Variants in EHMT2 observed in about 807,000 individuals in gnomAD.
EHMT2 encodes the protein euchromatic histone lysine methyltransferase 2.
EHMT2 carries 59 observed loss-of-function variants against 143.3 expected under a neutral mutation model. The ratio of observed to expected loss-of-function variants is 0.41; its 90% CI spans 0.33 to 0.51. The LOEUF (loss-of-function observed/expected upper bound fraction) is 0.51, where lower values mean the gene tolerates loss of function less well. Among genes scored for constraint, EHMT2 ranks in the 20% least tolerant of loss-of-function variants. The pLI is 0.18. For synonymous variants in EHMT2, 604 were observed against 651.5 expected (o/e 0.93, Z 1.11); for missense variants, 1,174 against 1,645.9 (o/e 0.71, Z 4.96).
intron 25 of EHMT2, among the ~76,000 whole-genome samples, chr6:31,882,117 T>TA (rs9279449): frequency 0.023 from 2,267 of 97,148 alleles, 36 homozygotes; most frequent in South Asian, 0.056. Flanking sequence ...AAAAATAAAT[T>TA]AAAAAAAAAA....
exon 5 of EHMT2, chr6:31,892,910 G>C: frequency 6.4e-7 from 1 of 1,565,720 alleles, no homozygotes; most frequent in African/African-American, 1.4e-5. Flanking sequence ...GGGACCGGGG[G>C]CTGTGGGCCG....
intron 7 of EHMT2, among the ~76,000 whole-genome samples, chr6:31,891,996 C>T (rs1470496520): frequency 6.6e-6 from 1 of 152,132 alleles, no homozygotes; most frequent in Admixed American, 6.5e-5. Flanking sequence ...AATCCCAGCA[C>T]TTTGGGAGGC....
chr6:31,889,769 G>C lies in EHMT2; in HGVS notation c.865-167C>G, dbSNP rs1380388425. 1.3e-5 allele frequency among the ~76,000 whole-genome samples: 2 copies of C among 152,122 alleles called. No individual in the cohort carries two copies. The highest frequency in any genetic ancestry group is 2.9e-5 in the Non-Finnish European group (2 of 68,030). On this transcript the variant is annotated intron_variant, in intron 7 of 27. Coordinates refer to ENST00000375537, the Ensembl canonical transcript of EHMT2. The surrounding 1 kb of genome is among the most constrained non-coding windows in gnomAD (Gnocchi z 5.1). ...GGGCCACATAAAGAGAGGGTGCATG[G>C]AATATTACACAGCAGTGAAAAAGTT... is the stretch of plus-strand genomic sequence containing the variant.
At chr6:31,893,382 A>G (rs1210365125) in intron 4 of EHMT2, 1 of 449,042 alleles carries the variant, frequency 2.2e-6, no homozygotes, top group African/African-American at 2.0e-5. Context: ...GTGCAGTGGC[A>G]TGACTATGGC....
At chr6:31,892,521 G>A in exon 7 of EHMT2, 1 of 1,612,920 alleles carries the variant, frequency 6.2e-7, no homozygotes, top group Non-Finnish European at 8.5e-7. Context: ...CTTTCGTCAG[G>A]GTCACTTCTC....
chr6:31,890,418 A>G (rs1197851215), intron 7 of EHMT2, among the ~76,000 whole-genome samples: 1 of 151,868 alleles, frequency 6.6e-6, no homozygotes, highest in East Asian at 2.0e-4. Context: ...CACCACACCC[A>G]GCTAATTTTC....
intron 7 of EHMT2, 152 bp downstream of exon 7, chr6:31,892,255 A>C (rs1487325978): frequency 2.3e-6 from 2 of 854,198 alleles, no homozygotes; most frequent in East Asian, 5.4e-5. Flanking sequence ...CCACAAAAAA[A>C]AGGAGTTATA....
chr6:31,887,428 T>G, intron 15 of EHMT2, 149 bp downstream of exon 15: 1 of 707,220 alleles, frequency 1.4e-6, no homozygotes, highest in Non-Finnish European at 2.4e-6. Flanking sequence ...TCCCCATCGT[T>G]ATGGGTTACA....
Position 31,880,509 on chromosome 6 carries a change from G to C in EHMT2, c.3452+164C>G. ...ATTCAAAATCTCTCTGGGAGGCACA[G>C]GACTGTTTCCCCAAGTCCTCCAGGA... On this transcript the variant is annotated intron_variant, in intron 27 of 27. Transcript: ENST00000375537. This position sits in a 1 kb window ranked among gnomAD's most constrained non-coding sequence, Gnocchi z 6.6. 3 of 884,960 alleles carry C rather than the reference G, an allele frequency of 3.4e-6. No homozygotes were observed. The highest frequency in any genetic ancestry group is 5.1e-6 in the Non-Finnish European group (3 of 592,994). The allele number at this position is 884,960 out of a possible 1,614,324, so 54.8% of individuals were successfully genotyped here.
At chr6:31,897,683 C>T in exon 1 of EHMT2, 1 of 1,125,694 alleles carries the variant, frequency 8.9e-7, no homozygotes, top group South Asian at 4.4e-5. Context: ...GCCATCGCCG[C>T]TTGCGCTGGG....
chr6:31,884,741 A>T lies in EHMT2; in HGVS notation c.2507T>A (p.Val836Asp). The change falls in exon 20 of 28, where the codon GTC becomes GAC. Residue 836 changes from valine to aspartate, a missense_variant. Physicochemically the swap from Val to Asp is radical, Grantham distance 152. Coordinates refer to ENST00000375537, the Ensembl canonical transcript of EHMT2. The surrounding 1 kb of genome is among the most constrained non-coding windows in gnomAD (Gnocchi z 7.3). The stretch of plus-strand genomic sequence containing the variant: ...GAGGTCACAGCGCGCATTCAGAAGG[A>T]CTTCGGCGATGGCGGCGCTGCCCGT... 6.2e-7 allele frequency: 1 copy of T among 1,602,294 alleles called. No homozygotes were observed. The highest frequency in any genetic ancestry group is 8.5e-7 in the Non-Finnish European group (1 of 1,174,742).
exon 24 of EHMT2, chr6:31,882,950 G>A: frequency 6.2e-7 from 1 of 1,612,952 alleles, no homozygotes; most frequent in Middle Eastern, 1.6e-4. Flanking sequence ...AGCACGCCTG[G>A]TTACACTCGA....
chr6:31,883,830 G>T lies in EHMT2; in HGVS notation c.2892C>A (p.Ile964=). ...CCTGCAGGTGGGTGATGTTGCGATC[G>T]ATGTTCATGGTGGACGTCTCGCAGT... Residue 964 remains isoleucine, a synonymous_variant, in exon 22 of 28, where the codon ATC becomes ATA. Transcript: ENST00000375537. The surrounding 1 kb of genome is among the most constrained non-coding windows in gnomAD (Gnocchi z 5.6). 1.2e-6 allele frequency: 2 copies of T among 1,613,980 alleles called. No individual in the cohort carries two copies. Among genetic ancestry groups the T allele is most frequent in the Non-Finnish European group, 8.5e-7 (1 of 1,179,954 alleles).
rs778870885 is a variant in EHMT2 at position 31,883,031 on chromosome 6, A to G, written c.2995-22T>C. ...CATCCTAGGGTGCGGAGGGGAGGAT[A>G]GTGGTTTCTCTGTGGGGCCCACCTC... On this transcript the variant is annotated intron_variant, in intron 23 of 27. Coordinates refer to ENST00000375537, the Ensembl canonical transcript of EHMT2. This position sits in a 1 kb window ranked among gnomAD's most constrained non-coding sequence, Gnocchi z 5.6. 9 of 1,606,436 alleles carry G rather than the reference A, an allele frequency of 5.6e-6. No individual in the cohort carries two copies. The highest frequency in any genetic ancestry group is 4.5e-5 in the East Asian group (2 of 44,834).
At chr6:31,887,549 G>A (rs1403429395) in intron 15 of EHMT2, 28 bp downstream of exon 15, 2 of 1,606,490 alleles carry the variant, frequency 1.2e-6, no homozygotes, top group Admixed American at 1.7e-5. Flanking sequence ...CTTGGTCAAG[G>A]TCTGCTGAAG....
At chr6:31,893,958 A>G (rs1249244096) in intron 4 of EHMT2, among the ~76,000 whole-genome samples, 2 of 152,068 alleles carry the variant, frequency 1.3e-5, no homozygotes, top group Non-Finnish European at 2.9e-5. Flanking sequence ...TAAATTATAT[A>G]CTTAAAAATG....
exon 3 of EHMT2, chr6:31,896,718 G>A: frequency 6.2e-7 from 1 of 1,612,792 alleles, no homozygotes; most frequent in African/African-American, 1.3e-5. Flanking sequence ...CACCAACAGT[G>A]ACAGTGACAG....
intron 7 of EHMT2, among the ~76,000 whole-genome samples, chr6:31,891,633 A>G (rs1765697397): frequency 6.6e-6 from 1 of 152,210 alleles, no homozygotes; most frequent in Admixed American, 6.5e-5. Context: ...TTTTCATGAT[A>G]AAATGTTAAA....
At position 31,881,448 on chromosome 6, in the gene EHMT2, AG is replaced by A; in HGVS notation, c.3198-357del. ...GGAACAGGAGAGGGGCCAGGACTGC[AG>A]GAAGAGCCAGAGGTACAGGAGTGGC... is the stretch of plus-strand genomic sequence containing the variant. On this transcript the variant is annotated intron_variant, in intron 25 of 27. Coordinates refer to ENST00000375537, the Ensembl canonical transcript of EHMT2. This position sits in a 1 kb window ranked among gnomAD's most constrained non-coding sequence, Gnocchi z 4.8. 2.6e-6 allele frequency: 1 copy of A among 384,148 alleles called. No homozygotes were observed. The highest frequency in any genetic ancestry group is 4.9e-6 in the Non-Finnish European group (1 of 203,634). The allele number at this position is 384,148 out of a possible 1,614,324, so 23.8% of individuals were successfully genotyped here. A position where few individuals can be genotyped will look rare whatever the true frequency, so the allele number is the denominator to read the frequency against.
Sources: allele counts gnomAD v4.1 joint callset (sites outside exome capture counted in the v4.1 genomes callset), GRCh38; gene constraint gnomAD v4.1.1; non-coding constraint Gnocchi (gnomAD v3.1); transcripts MANE v1.5; gene names NCBI Gene and HGNC (gene_info 2026-07-23, HGNC 2026-07-21).